The following CAMTA1 variants were observed in gnomAD, a reference collection of about 807,000 sequenced individuals.
CAMTA1 encodes the protein calmodulin binding transcription activator 1.
A neutral mutation model predicts 170.9 loss-of-function variants in CAMTA1; 27 were observed. The ratio of observed to expected loss-of-function variants is 0.16; its 90% CI spans 0.12 to 0.22. CAMTA1 has a LOEUF of 0.22. CAMTA1 is among the 10% of genes least tolerant of loss of function. The pLI is 1.00. For missense variants in CAMTA1, 1,619 were observed against 2,217.2 expected, an observed-to-expected ratio of 0.73 and a Z score of 5.42; for synonymous variants, 833 against 891.5, an observed-to-expected ratio of 0.93 and a Z score of 1.17.
At chr1:7,071,332 A>T (rs1483308849) in intron 3 of CAMTA1, among the ~76,000 whole-genome samples, 4 of 152,208 alleles carry the variant, frequency 2.6e-5, no homozygotes, top group South Asian at 2.1e-4. Flanking sequence ...ATTTAATTGA[A>T]TTTTTTTTGG....
intron 3 of CAMTA1, among the ~76,000 whole-genome samples, chr1:7,018,053 C>T (rs1175442752): frequency 6.6e-6 from 1 of 151,736 alleles, no homozygotes; most frequent in Non-Finnish European, 1.5e-5. Context: ...GCCTTGACCT[C>T]CAAGGGCTCA....
chr1:7,398,190 T>TA (rs2089554581), intron 5 of CAMTA1, among the ~76,000 whole-genome samples: 1 of 36,016 alleles, frequency 2.8e-5, no homozygotes, highest in Non-Finnish European at 4.7e-5. Context: ...TCTCTCTCTC[T>TA]CTCTATATAT....
At chr1:6,889,190 G>GA (rs1265580211) in intron 3 of CAMTA1, among the ~76,000 whole-genome samples, 1 of 152,002 alleles carries the variant, frequency 6.6e-6, no homozygotes, top group East Asian at 1.9e-4. Context: ...AAAATAAAAC[G>GA]AAAAAACCTT....
At chr1:7,465,575 C>T (rs1409742309) in intron 5 of CAMTA1, among the ~76,000 whole-genome samples, 1 of 152,166 alleles carries the variant, frequency 6.6e-6, no homozygotes, top group Non-Finnish European at 1.5e-5. Flanking sequence ...CCGAGGGTTC[C>T]TCTGATTCAA....
At chr1:7,040,268 A>G (rs576221275) in intron 3 of CAMTA1, among the ~76,000 whole-genome samples, 1 of 152,146 alleles carries the variant, frequency 6.6e-6, no homozygotes, top group Admixed American at 6.5e-5. Flanking sequence ...TGATAGCGTA[A>G]TGCCAGGGCT....
intron 7 of CAMTA1, among the ~76,000 whole-genome samples, chr1:7,647,519 C>T (rs1210401685): frequency 6.6e-6 from 1 of 152,096 alleles, no homozygotes; most frequent in East Asian, 1.9e-4. Context: ...CTGTCCCACC[C>T]GCGCCTCTGG....
intron 4 of CAMTA1, among the ~76,000 whole-genome samples, chr1:7,101,025 C>T (rs551430227): frequency 1.1e-3 from 175 of 152,316 alleles, no homozygotes; most frequent in African/African-American, 4.0e-3. Context: ...AAGCAGGACA[C>T]CTGGCAGTGA....
At chr1:7,088,282 G>A (rs1267604468) in intron 3 of CAMTA1, among the ~76,000 whole-genome samples, 5 of 152,116 alleles carry the variant, frequency 3.3e-5, no homozygotes, top group African/African-American at 1.2e-4. Flanking sequence ...AGGGAGTGGC[G>A]GGTGATGTAG....
intron 6 of CAMTA1, among the ~76,000 whole-genome samples, chr1:7,487,906 A>C (rs1575574259): frequency 6.6e-6 from 1 of 151,688 alleles, no homozygotes; most frequent in South Asian, 2.1e-4. Flanking sequence ...CTGCCTCAGG[A>C]CCCCAGGCCC....
chr1:7,269,081 T>C (rs936710593), intron 5 of CAMTA1, among the ~76,000 whole-genome samples: 5 of 152,220 alleles, frequency 3.3e-5, no homozygotes, highest in Non-Finnish European at 5.9e-5. Context: ...ACATTTATGA[T>C]CTCACAGTTT....
intron 10 of CAMTA1, among the ~76,000 whole-genome samples, chr1:7,676,498 C>G (rs1452486043): frequency 3.3e-5 from 5 of 152,228 alleles, no homozygotes; most frequent in Admixed American, 6.5e-5. Context: ...GGATCTGCAT[C>G]AGAGTCCTCG....
intron 6 of CAMTA1, among the ~76,000 whole-genome samples, chr1:7,625,422 G>A (rs897500293): frequency 1.3e-5 from 2 of 152,260 alleles, no homozygotes; most frequent in Non-Finnish European, 2.9e-5. Flanking sequence ...CCCCCATCGG[G>A]CTGACAGGGT....
At chr1:7,647,525 T>A (rs1052085671) in intron 7 of CAMTA1, among the ~76,000 whole-genome samples, 3 of 152,116 alleles carry the variant, frequency 2.0e-5, no homozygotes, top group African/African-American at 7.2e-5. Flanking sequence ...CACCCGCGCC[T>A]CTGGACCTGG....
chr1:7,650,630 G>A (rs1355780963), intron 7 of CAMTA1, among the ~76,000 whole-genome samples: 2 of 152,158 alleles, frequency 1.3e-5, no homozygotes, highest in African/African-American at 4.8e-5. Context: ...GAAATGACAG[G>A]CTCACTGGGG....
Position 6,811,919 on chromosome 1 carries a change from C to T in CAMTA1, c.46-8262C>T, listed in dbSNP as rs61202633. 2.6e-3 allele frequency among the ~76,000 whole-genome samples: 396 copies of T among 152,226 alleles called. 1 individual carries two copies. The highest frequency in any genetic ancestry group is 9.2e-3 in the African/African-American group (383 of 41,534). On this transcript the variant is annotated intron_variant, in intron 1 of 22. Transcript: ENST00000303635. ...TTTGATGAGGTTTTAGTTCTTTGGGCAGTAGCAAGTAGTGATAGGTGATGG... is the reference window on the plus strand; with the variant it reads ...TTTGATGAGGTTTTAGTTCTTTGGGTAGTAGCAAGTAGTGATAGGTGATGG...
intron 5 of CAMTA1, among the ~76,000 whole-genome samples, chr1:7,322,361 G>A (rs1678556743): frequency 2.0e-5 from 3 of 152,252 alleles, no homozygotes; most frequent in African/African-American, 7.2e-5. Context: ...TTTTCTCAAA[G>A]GGAGAGATGG....
At chr1:7,183,137 C>T (rs953132877) in intron 4 of CAMTA1, among the ~76,000 whole-genome samples, 1 of 152,112 alleles carries the variant, frequency 6.6e-6, no homozygotes, top group African/African-American at 2.4e-5. Flanking sequence ...TCTGGTAAGA[C>T]CTCAGGAAAC....
chr1:6,863,978 A>G (rs1478480142), intron 3 of CAMTA1, among the ~76,000 whole-genome samples: 1 of 152,104 alleles, frequency 6.6e-6, no homozygotes, highest in Non-Finnish European at 1.5e-5. Context: ...GTGTTCTTCA[A>G]TTTGGATTTG....
intron 4 of CAMTA1, among the ~76,000 whole-genome samples, chr1:7,102,590 C>T (rs1038162225): frequency 3.3e-5 from 5 of 152,146 alleles, no homozygotes; most frequent in African/African-American, 4.8e-5. Flanking sequence ...CAAATGTATG[C>T]GCAAGGATGG....
Sources: gnomAD v4.1 joint callset for allele counts (sites outside exome capture counted in the v4.1 genomes callset) on GRCh38, gnomAD v4.1.1 for gene constraint, MANE v1.5 for transcripts, NCBI Gene and HGNC (gene_info 2026-07-23, HGNC 2026-07-21) for gene names.